The following PTPRD variants were observed in gnomAD, a reference collection of about 807,000 sequenced individuals.
The protein encoded by PTPRD is protein tyrosine phosphatase receptor type D, also known as receptor-type tyrosine-protein phosphatase delta.
PTPRD carries 34 observed loss-of-function variants against 214.5 expected under a neutral mutation model. The ratio of observed to expected loss-of-function variants is 0.16; its 90% CI spans 0.12 to 0.21. PTPRD has a LOEUF of 0.21. PTPRD is among the 10% of genes least tolerant of loss of function. The pLI is 1.00. For synonymous variants in PTPRD, 1,128 were observed against 845.7 expected (o/e 1.33, Z -5.79); for missense variants, 2,545 against 2,398.7 (o/e 1.06, Z -1.27).
chr9:8,799,786 C>A (rs183737589), intron 11 of PTPRD, among the ~76,000 whole-genome samples: 3 of 152,044 alleles, frequency 2.0e-5, no homozygotes, highest in Non-Finnish European at 4.4e-5. Flanking sequence ...TCTACCAATG[C>A]TCCAGAGAAA....
chr9:9,817,521 T>C (rs1316460882), intron 5 of PTPRD, among the ~76,000 whole-genome samples: 1 of 152,136 alleles, frequency 6.6e-6, no homozygotes, highest in East Asian at 1.9e-4. Context: ...CTAAAAGAAA[T>C]ATATTTCTTC....
intron 23 of PTPRD, among the ~76,000 whole-genome samples, chr9:8,503,753 A>C (rs947455147): frequency 6.6e-6 from 1 of 152,234 alleles, no homozygotes; most frequent in African/African-American, 2.4e-5. Context: ...GGTACTACAC[A>C]CAGAGTTAAT....
chr9:9,609,692 A>G (rs2094411804), intron 7 of PTPRD, among the ~76,000 whole-genome samples: 1 of 152,070 alleles, frequency 6.6e-6, no homozygotes, highest in South Asian at 2.1e-4. Flanking sequence ...GGATCTCCCA[A>G]CCTTAAGTGA....
intron 9 of PTPRD, among the ~76,000 whole-genome samples, chr9:9,212,267 A>G (rs781305003): frequency 1.3e-5 from 2 of 152,150 alleles, no homozygotes; most frequent in African/African-American, 2.4e-5. Context: ...ACAGCCTTAA[A>G]TTATTGCCAT....
chr9:8,360,910 T>G (rs1233545192), intron 39 of PTPRD, among the ~76,000 whole-genome samples: 2 of 152,120 alleles, frequency 1.3e-5, no homozygotes, highest in African/African-American at 4.8e-5. Flanking sequence ...CCATACTTAT[T>G]TGACTACAGA....
chr9:9,732,346 A>G (rs1323239372), intron 7 of PTPRD, among the ~76,000 whole-genome samples: 1 of 152,080 alleles, frequency 6.6e-6, no homozygotes, highest in Non-Finnish European at 1.5e-5. Flanking sequence ...ACATTAAAAA[A>G]CAAACAAACA....
chr9:9,787,767 T>TTTTG (rs2098936129), intron 5 of PTPRD, among the ~76,000 whole-genome samples: 1 of 150,410 alleles, frequency 6.6e-6, no homozygotes, highest in Non-Finnish European at 1.5e-5. Context: ...TATATCAATT[T>TTTTG]TTTATTTATT....
intron 44 of PTPRD, among the ~76,000 whole-genome samples, 188 bp downstream of exon 44, chr9:8,331,394 C>T (rs1336171322): frequency 1.5e-5 from 2 of 130,174 alleles, no homozygotes; most frequent in African/African-American, 7.4e-5. Context: ...TGGGGCTAAA[C>T]ATTTTCCTCT....
chr9:9,375,370 G>C (rs1361192224), intron 9 of PTPRD, among the ~76,000 whole-genome samples: 1 of 152,112 alleles, frequency 6.6e-6, no homozygotes, highest in Non-Finnish European at 1.5e-5. Context: ...GGCCAAGTCT[G>C]GCAGATCATG....
rs555986283 is a variant in PTPRD, at chr9:9,785,835, A to G, written c.-367-18984T>C. ...TTAGGGGAAGCTGGATATGGGGTAC[A>G]TACAAAAGGTACCATTTTTGCACAA... is the stretch of plus-strand genomic sequence containing the variant. On this transcript the variant is annotated intron_variant, in intron 5 of 45. Coordinates refer to ENST00000381196, the MANE Select transcript of PTPRD (RefSeq NM_002839.4). Among the ~76,000 whole-genome samples the G allele has an allele frequency of 3.3e-5, 5 of 152,166 alleles. No homozygotes were observed. In the East Asian group the frequency reaches 9.6e-4, roughly 29 times the overall value.
chr9:9,430,214 C>T (rs2082557278), intron 8 of PTPRD, among the ~76,000 whole-genome samples: 1 of 152,166 alleles, frequency 6.6e-6, no homozygotes, highest in African/African-American at 2.4e-5. Context: ...TCTCAGCATA[C>T]AAAATCAATG....
chr9:9,786,542 A>G (rs938682923), intron 5 of PTPRD, among the ~76,000 whole-genome samples: 1 of 152,230 alleles, frequency 6.6e-6, no homozygotes. Context: ...TTATAGGCAC[A>G]GAAGTAAATC....
At chr9:9,090,495 T>G (rs1443448601) in intron 10 of PTPRD, among the ~76,000 whole-genome samples, 1 of 152,210 alleles carries the variant, frequency 6.6e-6, no homozygotes, top group Non-Finnish European at 1.5e-5. Context: ...TAATGGCTTG[T>G]TAGATATTAT....
intron 3 of PTPRD, among the ~76,000 whole-genome samples, chr9:10,143,077 G>C (rs57037376): frequency 0.15 from 22,119 of 151,892 alleles, 1,755 homozygotes; most frequent in South Asian, 0.34. Flanking sequence ...TGAACAATGA[G>C]AAAACATGGA....
intron 3 of PTPRD, among the ~76,000 whole-genome samples, chr9:10,149,017 C>T (rs1283580263): frequency 6.6e-6 from 1 of 152,108 alleles, no homozygotes; most frequent in Admixed American, 6.6e-5. Context: ...GTGCTTCCTG[C>T]AGCTGGCTCA....
chr9:8,885,405 C>G (rs2098478439), intron 11 of PTPRD, among the ~76,000 whole-genome samples: 1 of 151,450 alleles, frequency 6.6e-6, no homozygotes, highest in South Asian at 2.1e-4. Context: ...CTCACAATGC[C>G]ACAAGTAAAG....
chr9:9,522,294 T>G (rs1005428461), intron 8 of PTPRD, among the ~76,000 whole-genome samples: 4 of 152,046 alleles, frequency 2.6e-5, no homozygotes, highest in Non-Finnish European at 5.9e-5. Context: ...AGTATACAAA[T>G]TACCTAAAGG....
intron 9 of PTPRD, among the ~76,000 whole-genome samples, chr9:9,291,084 C>T (rs1336027297): frequency 6.6e-6 from 1 of 151,362 alleles, no homozygotes; most frequent in Admixed American, 6.6e-5. Flanking sequence ...GTATCAATTT[C>T]CTAAGAAACT....
intron 2 of PTPRD, among the ~76,000 whole-genome samples, chr9:10,526,804 C>T (rs1566743889): frequency 1.3e-5 from 2 of 152,008 alleles, no homozygotes; most frequent in Non-Finnish European, 2.9e-5. Flanking sequence ...ATTAACTTGT[C>T]GATTCTCAAT....
Sources: gnomAD v4.1 joint callset for allele counts (sites outside exome capture counted in the v4.1 genomes callset) on GRCh38, gnomAD v4.1.1 for gene constraint, MANE v1.5 for transcripts, NCBI Gene and HGNC (gene_info 2026-07-23, HGNC 2026-07-21) for gene names.